Variants in PHACTR3 observed in about 807,000 individuals in gnomAD.
PHACTR3 encodes the protein phosphatase and actin regulator 3.
In PHACTR3, 16 loss-of-function variants were observed where a neutral mutation model predicts 66.8. That is an observed-to-expected ratio of 0.24 (90% confidence interval 0.16 to 0.36). PHACTR3 has a LOEUF of 0.36. Ranked by LOEUF, PHACTR3 falls within the 10% of genes least tolerant of loss-of-function variation. PHACTR3 has a pLI of 1.00. For synonymous variants in PHACTR3, 323 were observed against 292.1 expected (o/e 1.11, Z -1.08); for missense variants, 647 against 719.9 (o/e 0.90, Z 1.16).
At chr20:59,751,464 G>T (rs766310829) in intron 3 of PHACTR3, among the ~76,000 whole-genome samples, 3 of 152,066 alleles carry the variant, frequency 2.0e-5, no homozygotes, top group African/African-American at 7.2e-5. Flanking sequence ...CTGCACACGC[G>T]CATGTATGCA....
At chr20:59,744,796 G>T (rs1020704631) in intron 2 of PHACTR3, among the ~76,000 whole-genome samples, 6 of 152,248 alleles carry the variant, frequency 3.9e-5, no homozygotes, top group African/African-American at 1.2e-4. Flanking sequence ...AACAGGAGGG[G>T]CCCAGGCCCT....
intron 7 of PHACTR3, among the ~76,000 whole-genome samples, chr20:59,782,667 C>A (rs998361816): frequency 7.2e-5 from 11 of 152,172 alleles, no homozygotes; most frequent in African/African-American, 2.7e-4. Context: ...CATAAAACCA[C>A]CAGATCTCAT....
chr20:59,841,672 A>C, intron 11 of PHACTR3, 137 bp downstream of exon 11: 65 of 939,108 alleles, frequency 6.9e-5, no homozygotes, highest in East Asian at 9.1e-5. Context: ...TTGGTTTCTC[A>C]AAGATAATTC....
At chr20:59,792,536 G>A (rs538433582) in intron 7 of PHACTR3, among the ~76,000 whole-genome samples, 8 of 152,208 alleles carry the variant, frequency 5.3e-5, no homozygotes, top group Non-Finnish European at 1.2e-4. Flanking sequence ...GATCCAGTTG[G>A]CCAAGGGCTG....
intron 7 of PHACTR3, among the ~76,000 whole-genome samples, chr20:59,781,152 G>A (rs145470640): frequency 2.4e-4 from 36 of 152,348 alleles, no homozygotes; most frequent in African/African-American, 8.7e-4. Flanking sequence ...CGCTGCATAG[G>A]TACATCTGTT....
At chr20:59,766,997 A>G (rs1016223856) in intron 4 of PHACTR3, among the ~76,000 whole-genome samples, 189 bp from the exon 5 acceptor site, 4 of 152,164 alleles carry the variant, frequency 2.6e-5, no homozygotes, top group Admixed American at 2.6e-4. Context: ...CCCTCTCTCC[A>G]TATTCCTCTC....
chr20:59,676,945 G>T (rs1428784572), intron 1 of PHACTR3, among the ~76,000 whole-genome samples: 1 of 151,758 alleles, frequency 6.6e-6, no homozygotes, highest in Non-Finnish European at 1.5e-5. Context: ...AGGGGTGGGG[G>T]CTGCCCCTCT....
Position 59,738,949 on chromosome 20 carries a change from T to G in PHACTR3, c.119-4158T>G, listed in dbSNP as rs935856208. Among the ~76,000 whole-genome samples, 7 of 152,096 alleles carry G rather than the reference T, an allele frequency of 4.6e-5. No individual in the cohort carries two copies. Among genetic ancestry groups the G allele is most frequent in the African/African-American group, 1.7e-4 (7 of 41,434 alleles). ...GACAGCAGGCTTTCCCAGGGCCATG[T>G]GGAGTCACAGTCTTGCTCCCATCTG... On this transcript the variant is annotated intron_variant, in intron 1 of 12. Coordinates refer to ENST00000371015, the MANE Select transcript of PHACTR3 (RefSeq NM_080672.5). This position sits in a 1 kb window ranked among gnomAD's most constrained non-coding sequence, Gnocchi z 4.4.
chr20:59,807,439 A>G (rs1350036013), intron 8 of PHACTR3, among the ~76,000 whole-genome samples: 1 of 152,214 alleles, frequency 6.6e-6, no homozygotes, highest in Non-Finnish European at 1.5e-5. Context: ...GTCATCTCCT[A>G]TGAGAACAGT....
intron 1 of PHACTR3, among the ~76,000 whole-genome samples, chr20:59,706,458 A>G (rs756141149): frequency 1.3e-5 from 2 of 152,220 alleles, no homozygotes; most frequent in African/African-American, 2.4e-5. Flanking sequence ...GAATGGGGAC[A>G]CATGGCACTG....
chr20:59,775,090 AG>A (rs537727094), intron 7 of PHACTR3, among the ~76,000 whole-genome samples: 1 of 34,886 alleles, frequency 2.9e-5, no homozygotes, highest in Non-Finnish European at 1.1e-4. Context: ...TTCTCCCATG[AG>A]GTAATTGCTC....
At chr20:59,660,494 AAAAC>A (rs1412803485) in intron 1 of PHACTR3, among the ~76,000 whole-genome samples, 5 of 152,236 alleles carry the variant, frequency 3.3e-5, no homozygotes, top group East Asian at 1.9e-4. Context: ...TCCGTCTCAA[AAAAC>A]AAACAAACAA....
chr20:59,612,180 T>G (rs2033873167), intron 1 of PHACTR3, among the ~76,000 whole-genome samples: 1 of 152,138 alleles, frequency 6.6e-6, no homozygotes, highest in Non-Finnish European at 1.5e-5. Flanking sequence ...CTTTTCTTAT[T>G]GAATTTGAGA....
chr20:59,678,931 G>T (rs896480541), intron 1 of PHACTR3, among the ~76,000 whole-genome samples: 9 of 151,476 alleles, frequency 5.9e-5, no homozygotes, highest in South Asian at 2.1e-4. Context: ...CAGCCCCACT[G>T]GCAGAGTTTC....
chr20:59,813,929 CTG>C (rs2041813285), intron 8 of PHACTR3, among the ~76,000 whole-genome samples: 1 of 152,240 alleles, frequency 6.6e-6, no homozygotes, highest in African/African-American at 2.4e-5. Context: ...TCGTCCCCTG[CTG>C]TGTTTTTAGC....
intron 1 of PHACTR3, among the ~76,000 whole-genome samples, chr20:59,702,461 C>A (rs1470146730): frequency 6.6e-6 from 1 of 152,222 alleles, no homozygotes; most frequent in Non-Finnish European, 1.5e-5. Context: ...CTCTAAGATG[C>A]CCTCCTGACC....
In PHACTR3 at chr20:59,736,758, A is replaced by G. The variant is rs2038960099; in HGVS notation, c.119-6349A>G. ...GGTTTGTAAGTAGTTTTCTCTGAGCAGCACTATTTTGAAGTTTCTCTTCTT... is the reference window on the plus strand; with the variant it reads ...GGTTTGTAAGTAGTTTTCTCTGAGCGGCACTATTTTGAAGTTTCTCTTCTT... On this transcript the variant is annotated intron_variant, in intron 1 of 12. Transcript: ENST00000371015. This position sits in a 1 kb window ranked among gnomAD's most constrained non-coding sequence, Gnocchi z 4.6. Among the ~76,000 whole-genome samples, 1 of 152,136 alleles carries G rather than the reference A, an allele frequency of 6.6e-6. No homozygotes were observed. Among genetic ancestry groups the G allele is most frequent in the South Asian group, 2.1e-4 (1 of 4,818 alleles).
chr20:59,842,065 A>G (rs530445202), intron 11 of PHACTR3, among the ~76,000 whole-genome samples: 1 of 152,308 alleles, frequency 6.6e-6, no homozygotes, highest in African/African-American at 2.4e-5. Context: ...AGTTTGAGGT[A>G]TCTCTGAGAA....
chr20:59,693,915 G>A (rs1249217010), intron 1 of PHACTR3, among the ~76,000 whole-genome samples: 1 of 152,208 alleles, frequency 6.6e-6, no homozygotes, highest in Non-Finnish European at 1.5e-5. Context: ...CATCTCTTCT[G>A]CAGGCAATTG....
Sources: gnomAD v4.1 joint callset for allele counts (sites outside exome capture counted in the v4.1 genomes callset) on GRCh38, gnomAD v4.1.1 for gene constraint, Gnocchi (gnomAD v3.1) non-coding constraint, MANE v1.5 for transcripts, NCBI Gene and HGNC (gene_info 2026-07-23, HGNC 2026-07-21) for gene names.